The following CDH10 variants were observed in gnomAD, a reference collection of about 807,000 sequenced individuals.
CDH10 encodes cadherin 10.
In CDH10, 30 loss-of-function variants were observed where a neutral mutation model predicts 73.1. The observed-to-expected ratio is 0.41, with a 90% CI of 0.31 to 0.56. The LOEUF (loss-of-function observed/expected upper bound fraction) is 0.56, where lower values mean the gene tolerates loss of function less well. CDH10 is among the 20% of genes least tolerant of loss of function. The pLI is 0.27. For missense variants in CDH10, 815 were observed against 973.7 expected (o/e 0.84, Z 2.17); for synonymous variants, 345 against 348.2 (o/e 0.99, Z 0.10).
At chr5:24,544,226 G>A (rs1025285079) in intron 2 of CDH10, among the ~76,000 whole-genome samples, 11 of 152,026 alleles carry the variant, frequency 7.2e-5, no homozygotes, top group Non-Finnish European at 1.2e-4. Flanking sequence ...CTGGGGAGGC[G>A]GAGGTTGCAG....
chr5:24,589,915 G>A (rs1746142917), intron 2 of CDH10, among the ~76,000 whole-genome samples: 1 of 152,062 alleles, frequency 6.6e-6, no homozygotes, highest in Non-Finnish European at 1.5e-5. Flanking sequence ...TATTTCAAAA[G>A]TAGGTTCCTT....
At chr5:24,632,303 C>T (rs1299136349) in intron 1 of CDH10, among the ~76,000 whole-genome samples, 2 of 150,736 alleles carry the variant, frequency 1.3e-5, no homozygotes, top group Admixed American at 1.3e-4. Flanking sequence ...AGGTTGCATG[C>T]AAATTTTAAA....
At chr5:24,527,395 TTA>T (rs1743574380) in intron 5 of CDH10, among the ~76,000 whole-genome samples, 1 of 149,922 alleles carries the variant, frequency 6.7e-6, no homozygotes, top group Non-Finnish European at 1.5e-5. Context: ...TACACACATA[TTA>T]TATATATTTA....
intron 7 of CDH10, 76 bp from the exon 8 acceptor site, chr5:24,505,324 C>G (rs1428683165): frequency 9.3e-7 from 1 of 1,070,488 alleles, no homozygotes; most frequent in Non-Finnish European, 1.4e-6. Flanking sequence ...AAATGCAAAC[C>G]CACACATATC....
chr5:24,539,097 A>G (rs1445756952), intron 2 of CDH10, among the ~76,000 whole-genome samples: 1 of 152,040 alleles, frequency 6.6e-6, no homozygotes, highest in African/African-American at 2.4e-5. Context: ...ATGTTTTAAT[A>G]TTTACATAAA....
intron 4 of CDH10, 26 bp downstream of exon 4, chr5:24,535,677 A>T: frequency 1.3e-6 from 2 of 1,594,448 alleles, no homozygotes; most frequent in Non-Finnish European, 1.7e-6. Flanking sequence ...GATCAAATGA[A>T]CAAACAGCAA....
chr5:24,625,607 A>T (rs1267962277), intron 1 of CDH10, among the ~76,000 whole-genome samples: 1 of 148,564 alleles, frequency 6.7e-6, no homozygotes, highest in Non-Finnish European at 1.5e-5. Context: ...ATATGTGTAT[A>T]TATATATTCA....
intron 2 of CDH10, among the ~76,000 whole-genome samples, chr5:24,582,473 G>T (rs1447275452): frequency 6.6e-6 from 1 of 152,082 alleles, no homozygotes; most frequent in Non-Finnish European, 1.5e-5. Context: ...GCACCTCTTG[G>T]AAGGAAAAAT....
chr5:24,522,551 T>C (rs1743375757), intron 5 of CDH10, among the ~76,000 whole-genome samples: 1 of 152,108 alleles, frequency 6.6e-6, no homozygotes, highest in African/African-American at 2.4e-5. Flanking sequence ...TCCCTGACTA[T>C]GAAGATTAGC....
chr5:24,598,734 G>C (rs554526647), intron 1 of CDH10, among the ~76,000 whole-genome samples: 33 of 152,076 alleles, frequency 2.2e-4, no homozygotes, highest in Non-Finnish European at 4.4e-4. Context: ...AGAATCCCAA[G>C]AAGCTCTGGT....
chr5:24,575,450 A>G (rs1745568398), intron 2 of CDH10, among the ~76,000 whole-genome samples: 1 of 151,878 alleles, frequency 6.6e-6, no homozygotes, highest in East Asian at 1.9e-4. Flanking sequence ...TTTACGAATT[A>G]CGTTAAGATA....
At chr5:24,582,924 A>G (rs893120263) in intron 2 of CDH10, among the ~76,000 whole-genome samples, 1 of 152,208 alleles carries the variant, frequency 6.6e-6, no homozygotes, top group Non-Finnish European at 1.5e-5. Flanking sequence ...AACAACCTCA[A>G]TGGAGAGTAA....
chr5:24,557,471 A>G (rs1363517238), intron 2 of CDH10, among the ~76,000 whole-genome samples: 1 of 151,792 alleles, frequency 6.6e-6, no homozygotes, highest in Admixed American at 6.6e-5. Context: ...ATACATTTAC[A>G]TATAATTTCA....
rs199748718 is a variant in CDH10 at position 24,599,349 on chromosome 5, GATT to G, written c.-123-5739_-123-5737del. Among the ~76,000 whole-genome samples, 1,387 of 152,190 alleles carry G rather than the reference GATT, an allele frequency of 9.1e-3. 9 individuals are homozygous for G. The highest frequency in any genetic ancestry group is 0.013 in the Non-Finnish European group (864 of 67,994). ...AGAGATAGGAAGAGAGAGTTTGGGAGATTATTAGGATTTCCTTCCCAAGATGGT... is the reference window on the plus strand; with the variant it reads ...AGAGATAGGAAGAGAGAGTTTGGGAGATTAGGATTTCCTTCCCAAGATGGT... On this transcript the variant is annotated intron_variant, in intron 1 of 11. Transcript: ENST00000264463.
intron 2 of CDH10, among the ~76,000 whole-genome samples, chr5:24,569,319 G>A (rs1191646081): frequency 6.6e-6 from 1 of 152,060 alleles, no homozygotes; most frequent in Non-Finnish European, 1.5e-5. Flanking sequence ...TAGTAATGAT[G>A]TTTGCACAAT....
chr5:24,612,219 T>A (rs551025821), intron 1 of CDH10: 5 of 152,314 alleles, frequency 3.3e-5, no homozygotes, highest in African/African-American at 1.2e-4. Context: ...ATATTCTACA[T>A]TTTAGCAAAA....
At position 24,505,128 on chromosome 5, in the gene CDH10, A is replaced by T. The variant is rs2111725520; in HGVS notation, c.1377T>A (p.Val459=). Residue 459 remains valine (V), a synonymous_variant, in exon 8 of 12, where the codon GTT becomes GTA. Transcript: ENST00000264463. ...RELSQWHNLT[V]IAAEINNPKE... The stretch of plus-strand genomic sequence containing the variant: ...TCATCTTACTGATTTCAGCAGCAAT[A>T]ACAGTAAGATTATGCCACTGAGATA... 1 of 1,611,092 alleles carries T rather than the reference A, an allele frequency of 6.2e-7. No homozygotes were observed. Among genetic ancestry groups the T allele is most frequent in the Non-Finnish European group, 8.5e-7 (1 of 1,177,604 alleles).
At chr5:24,586,094 T>G (rs1469039831) in intron 2 of CDH10, among the ~76,000 whole-genome samples, 1 of 152,212 alleles carries the variant, frequency 6.6e-6, no homozygotes, top group Non-Finnish European at 1.5e-5. Flanking sequence ...AAATTTAAAT[T>G]CCTTTAGAAA....
intron 2 of CDH10, among the ~76,000 whole-genome samples, chr5:24,540,431 T>C (rs1744110251): frequency 6.6e-6 from 1 of 151,888 alleles, no homozygotes; most frequent in African/African-American, 2.4e-5. Flanking sequence ...GGAATATAAA[T>C]CACAGCAGGA....
Sources: gnomAD v4.1 joint callset for allele counts (sites outside exome capture counted in the v4.1 genomes callset) on GRCh38, gnomAD v4.1.1 for gene constraint, MANE v1.5 for transcripts, NCBI Gene and HGNC (gene_info 2026-07-23, HGNC 2026-07-21) for gene names.